FAT3: variants seen among roughly 807,000 people sequenced by gnomAD.
FAT3 encodes the protein FAT atypical cadherin 3, also known as protocadherin Fat 3.
Under a neutral mutation model 310.2 loss-of-function variants are expected in FAT3, and 95 were observed. The ratio of observed to expected loss-of-function variants is 0.31; its 90% CI spans 0.26 to 0.36. FAT3 has a LOEUF of 0.36. FAT3 is among the 10% of genes least tolerant of loss of function. The pLI is 1.00. For missense variants in FAT3, 5,408 were observed against 5,715.6 expected, an observed-to-expected ratio of 0.95 and a Z score of 1.74; for synonymous variants, 2,314 against 2,192.9, an observed-to-expected ratio of 1.06 and a Z score of -1.54.
intron 3 of FAT3, among the ~76,000 whole-genome samples, chr11:92,638,841 G>T (rs762582705): frequency 3.3e-5 from 5 of 152,112 alleles, no homozygotes; most frequent in Non-Finnish European, 5.9e-5. Context: ...ACCCAATGAC[G>T]ATTGGTCTGG....
chr11:92,615,051 C>T (rs1037277283), intron 3 of FAT3, among the ~76,000 whole-genome samples: 2 of 152,150 alleles, frequency 1.3e-5, no homozygotes, highest in African/African-American at 4.8e-5. Context: ...AAGTCTGTCT[C>T]ATTGGACTAT....
chr11:92,536,961 T>G (rs1412098902), intron 3 of FAT3, among the ~76,000 whole-genome samples: 1 of 152,168 alleles, frequency 6.6e-6, no homozygotes, highest in Non-Finnish European at 1.5e-5. Context: ...TTATTAACAG[T>G]GGACAAGTTT....
intron 4 of FAT3, among the ~76,000 whole-genome samples, chr11:92,706,000 G>T (rs551527456): frequency 6.6e-6 from 1 of 151,146 alleles, no homozygotes; most frequent in South Asian, 2.1e-4. Context: ...GGTGGTGGTG[G>T]TGGTGGAGGA....
intron 2 of FAT3, among the ~76,000 whole-genome samples, chr11:92,451,954 C>T (rs1189008821): frequency 6.6e-6 from 1 of 152,128 alleles, no homozygotes; most frequent in African/African-American, 2.4e-5. Context: ...GAGTCCTTGT[C>T]TTTTTAAAGA....
At chr11:92,335,495 T>C (rs1383544091) in intron 1 of FAT3, among the ~76,000 whole-genome samples, 8 of 152,178 alleles carry the variant, frequency 5.3e-5, no homozygotes, top group African/African-American at 1.9e-4. Context: ...ATTCCAAAAA[T>C]ATTGTGGCTG....
At chr11:92,425,503 C>T (rs1475120739) in intron 2 of FAT3, among the ~76,000 whole-genome samples, 2 of 151,956 alleles carry the variant, frequency 1.3e-5, no homozygotes, top group Admixed American at 6.6e-5. Context: ...CCGTCATCTA[C>T]ATTAGGTATT....
At chr11:92,719,699 A>G (rs954195377) in intron 4 of FAT3, among the ~76,000 whole-genome samples, 8 of 150,838 alleles carry the variant, frequency 5.3e-5, no homozygotes, top group Non-Finnish European at 1.0e-4. Flanking sequence ...CACAGAACCC[A>G]TGGATACAGG....
chr11:92,599,616 T>A (rs1283746857), intron 3 of FAT3, among the ~76,000 whole-genome samples: 1 of 152,204 alleles, frequency 6.6e-6, no homozygotes, highest in Non-Finnish European at 1.5e-5. Context: ...CAGCCAAATA[T>A]CCAATCAAAC....
intron 4 of FAT3, among the ~76,000 whole-genome samples, chr11:92,700,454 G>C (rs1331378542): frequency 6.6e-6 from 1 of 152,090 alleles, no homozygotes; most frequent in Non-Finnish European, 1.5e-5. Flanking sequence ...TGGGGTGGGG[G>C]CTGAGGGTGA....
intron 2 of FAT3, among the ~76,000 whole-genome samples, chr11:92,486,829 G>T (rs1298022164): frequency 1.3e-5 from 2 of 152,118 alleles, no homozygotes; most frequent in Non-Finnish European, 2.9e-5. Context: ...ATTAGAGGAG[G>T]GTTTGAAATT....
Position 92,352,332 on chromosome 11 carries a change from G to T in FAT3, c.220G>T (p.Asp74Tyr). Reference protein sequence around the residue: ...SQSRMGITLIDLSWDIKYRIV... With the variant: ...SQSRMGITLIYLSWDIKYRIV... ...GAGTAGAATGGGCATCACCTTAATA[G>T]ATCTATCCTGGGATATCAAATACAG... The change falls in exon 2 of 28, where the codon GAT becomes TAT. Residue 74 changes from aspartate (D) to tyrosine (Y), a missense_variant. Asp to Tyr is a radical substitution (Grantham distance 160). Coordinates refer to ENST00000525166, the MANE Select transcript of FAT3 (RefSeq NM_001367949.2). 6.4e-7 allele frequency: 1 copy of T among 1,569,792 alleles called. No homozygotes were observed. Among genetic ancestry groups the T allele is most frequent in the Non-Finnish European group, 8.7e-7 (1 of 1,152,658 alleles).
chr11:92,844,258 A>G lies in FAT3; in HGVS notation c.10891A>G (p.Ile3631Val). 1 of 1,614,008 alleles carries G rather than the reference A, an allele frequency of 6.2e-7. No homozygotes were observed. Among genetic ancestry groups the G allele is most frequent in the East Asian group, 2.2e-5 (1 of 44,886 alleles). ...GAGTGATGGTCGCTTCCAGGTACCC[A>G]TTGATGTGGTCGTGCATGTGGAGCA... ...SVSDGRFQVPIDVVVHVEQLV... is the reference protein window; with the variant it reads ...SVSDGRFQVPVDVVVHVEQLV... Residue 3631 changes from isoleucine to valine, a missense_variant, in exon 19 of 28, where the codon ATT becomes GTT. Around this residue, in one of 5 missense-constraint regions of FAT3, gnomAD observed 4,588 missense variants for 4,809.8 expected, o/e 0.95. Coordinates refer to ENST00000525166, the MANE Select transcript of FAT3 (RefSeq NM_001367949.2).
At chr11:92,589,661 G>A (rs367654274) in intron 3 of FAT3, among the ~76,000 whole-genome samples, 1 of 151,768 alleles carries the variant, frequency 6.6e-6, no homozygotes, top group Admixed American at 6.6e-5. Context: ...TTGAGTTTCG[G>A]TGGTGTTTCT....
rs531120819 is a variant in FAT3 at position 92,817,479 on chromosome 11, G to C, written c.9481+7403G>C. Among the ~76,000 whole-genome samples the C allele has an allele frequency of 6.6e-5, 10 of 152,328 alleles. No homozygotes were observed. In the South Asian group the frequency reaches 2.1e-3, roughly 32 times the overall value. ...TGTTTTGCCCCGAGTGTGTATCTCA[G>C]CTGTCCTCAGCTTCCTCCATTTTGT... On this transcript the variant is annotated intron_variant, in intron 13 of 27. Coordinates refer to ENST00000525166, the MANE Select transcript of FAT3 (RefSeq NM_001367949.2).
At chr11:92,679,594 G>A in intron 3 of FAT3, among the ~76,000 whole-genome samples, 1 of 151,910 alleles carries the variant, frequency 6.6e-6, no homozygotes, top group East Asian at 1.9e-4. Context: ...TGTAATCCCA[G>A]AACTTTGGGA....
intron 2 of FAT3, among the ~76,000 whole-genome samples, chr11:92,514,254 T>C (rs1565375074): frequency 6.6e-6 from 1 of 152,196 alleles, no homozygotes; most frequent in Non-Finnish European, 1.5e-5. Flanking sequence ...ATTTAAATAT[T>C]AAGATGCCCA....
At chr11:92,591,739 A>C (rs1939436730) in intron 3 of FAT3, among the ~76,000 whole-genome samples, 2 of 152,184 alleles carry the variant, frequency 1.3e-5, no homozygotes, top group Admixed American at 1.3e-4. Flanking sequence ...AAGGCATAGA[A>C]TTTTATCATT....
intron 2 of FAT3, among the ~76,000 whole-genome samples, chr11:92,422,660 G>A (rs574547312): frequency 6.6e-6 from 1 of 152,276 alleles, no homozygotes; most frequent in Non-Finnish European, 1.5e-5. Flanking sequence ...TAAATGTTGT[G>A]TTGGGTGTAG....
chr11:92,716,537 A>G (rs771939140), intron 4 of FAT3, among the ~76,000 whole-genome samples: 32 of 152,210 alleles, frequency 2.1e-4, no homozygotes, highest in Non-Finnish European at 2.4e-4. Flanking sequence ...AAATTTGCAT[A>G]TATCTTAGTT....
Sources: gnomAD v4.1 joint callset for allele counts (sites outside exome capture counted in the v4.1 genomes callset) on GRCh38, gnomAD v4.1.1 for gene constraint, gnomAD v4.1.1 regional missense constraint, MANE v1.5 for transcripts, NCBI Gene and HGNC (gene_info 2026-07-23, HGNC 2026-07-21) for gene names.